The following NTM variants were observed in gnomAD, a reference collection of about 807,000 sequenced individuals.
NTM encodes the protein neurotrimin, also known as IgLON family member 2.
A neutral mutation model predicts 42.1 loss-of-function variants in NTM; 13 were observed. The observed-to-expected ratio is 0.31, with a 90% CI of 0.20 to 0.49. The LOEUF (loss-of-function observed/expected upper bound fraction) is 0.49. NTM is among the 20% of genes least tolerant of loss of function. NTM has a pLI of 0.99. For synonymous variants in NTM, 187 were observed against 179.2 expected, an observed-to-expected ratio of 1.04 and a Z score of -0.35; for missense variants, 373 against 452.8, an observed-to-expected ratio of 0.82 and a Z score of 1.60.
chr11:132,085,244 A>G (rs2059559760), intron 2 of NTM, among the ~76,000 whole-genome samples: 1 of 152,220 alleles, frequency 6.6e-6, no homozygotes, highest in Non-Finnish European at 1.5e-5. Context: ...ATGTAAATGT[A>G]TTTTCAGTGG....
At chr11:132,099,545 A>G (rs2061396217) in intron 2 of NTM, among the ~76,000 whole-genome samples, 2 of 152,214 alleles carry the variant, frequency 1.3e-5, no homozygotes, top group Non-Finnish European at 2.9e-5. Context: ...ACTGAGGGAC[A>G]AAGAGGTGAA....
At chr11:132,009,327 GCT>G (rs2071552352) in intron 2 of NTM, among the ~76,000 whole-genome samples, 1 of 152,152 alleles carries the variant, frequency 6.6e-6, no homozygotes, top group Non-Finnish European at 1.5e-5. Context: ...CTGTCTTTAA[GCT>G]GGGGGACAGT....
chr11:131,567,018 G>C (rs913820651), intron 1 of NTM, among the ~76,000 whole-genome samples: 99 of 152,188 alleles, frequency 6.5e-4, no homozygotes, highest in African/African-American at 2.2e-3. Context: ...CCCTCAAGGT[G>C]GTCAGAGCTA....
At chr11:132,084,780 T>C (rs1373572168) in intron 2 of NTM, among the ~76,000 whole-genome samples, 1 of 152,174 alleles carries the variant, frequency 6.6e-6, no homozygotes, top group Admixed American at 6.5e-5. Context: ...CAAACAAAAA[T>C]ATTTCATTAT....
chr11:131,778,086 T>C (rs1223212713), intron 1 of NTM, among the ~76,000 whole-genome samples: 1 of 152,216 alleles, frequency 6.6e-6, no homozygotes, highest in African/African-American at 2.4e-5. Flanking sequence ...CTCAGAAGTT[T>C]AACCCCACTC....
intron 4 of NTM, among the ~76,000 whole-genome samples, chr11:132,269,659 G>T (rs576973885): frequency 2.4e-4 from 36 of 152,310 alleles, no homozygotes; most frequent in African/African-American, 8.2e-4. Flanking sequence ...TCAATTCAGT[G>T]TTCTCTTCAT....
chr11:132,072,818 T>C (rs2057873691), intron 2 of NTM, among the ~76,000 whole-genome samples: 1 of 152,144 alleles, frequency 6.6e-6, no homozygotes, highest in South Asian at 2.1e-4. Flanking sequence ...TTGTGATTCC[T>C]CCTCACTGTG....
In NTM at chr11:132,005,905, C is replaced by A. The variant is rs1011895343; in HGVS notation, c.167+94257C>A. Among the ~76,000 whole-genome samples, 4 of 152,146 alleles carry A rather than the reference C, an allele frequency of 2.6e-5. No homozygotes were observed. In the South Asian group the frequency reaches 8.3e-4, roughly 32 times the overall value. On this transcript the variant is annotated intron_variant, in intron 2 of 8. Transcript: ENST00000683400. ...TCTTTTTTGTTAGAAAATTTTAAAA[C>A]AACAATAACCTAGGTTTTGAAGAAA...
intron 1 of NTM, among the ~76,000 whole-genome samples, chr11:131,680,447 CT>C (rs2072311394): frequency 1.3e-5 from 1 of 78,416 alleles, no homozygotes; most frequent in Non-Finnish European, 2.8e-5. Flanking sequence ...GAGATCATAT[CT>C]GTGTCTGTGT....
intron 1 of NTM, among the ~76,000 whole-genome samples, chr11:131,816,731 G>A (rs2092967409): frequency 6.6e-6 from 1 of 152,026 alleles, no homozygotes; most frequent in Non-Finnish European, 1.5e-5. Context: ...TGTTCTGTAG[G>A]TATCTTTCCT....
intron 1 of NTM, among the ~76,000 whole-genome samples, chr11:131,818,059 A>G (rs527669870): frequency 6.6e-6 from 1 of 152,322 alleles, no homozygotes; most frequent in African/African-American, 2.4e-5. Context: ...GACACACATC[A>G]GCGGCTTTTG....
chr11:132,300,500 G>A (rs577017042), intron 4 of NTM, among the ~76,000 whole-genome samples: 1 of 152,372 alleles, frequency 6.6e-6, no homozygotes, highest in South Asian at 2.1e-4. Flanking sequence ...GCCGGGGGAA[G>A]TGGTGCTTAC....
chr11:132,046,301 A>G (rs2077976530), intron 2 of NTM, among the ~76,000 whole-genome samples: 1 of 151,790 alleles, frequency 6.6e-6, no homozygotes, highest in Admixed American at 6.6e-5. Context: ...ACCATATTGT[A>G]TTTATTTTTT....
At chr11:132,183,193 A>G (rs1474673986) in intron 3 of NTM, among the ~76,000 whole-genome samples, 1 of 152,194 alleles carries the variant, frequency 6.6e-6, no homozygotes, top group African/African-American at 2.4e-5. Context: ...GGGAATGGTT[A>G]TTCTATGACT....
At chr11:131,431,777 C>G (rs761752912) in intron 1 of NTM, among the ~76,000 whole-genome samples, 2 of 152,136 alleles carry the variant, frequency 1.3e-5, no homozygotes, top group Admixed American at 6.5e-5. Context: ...TGGAGCCAAG[C>G]GTGCATCTCC....
intron 1 of NTM, among the ~76,000 whole-genome samples, chr11:131,434,541 A>G (rs187091817): frequency 6.6e-6 from 1 of 152,338 alleles, no homozygotes; most frequent in Admixed American, 6.5e-5. Context: ...ATGACCAGTG[A>G]TGATGAGTGT....
At chr11:132,234,214 G>GT (rs2088261658) in intron 4 of NTM, among the ~76,000 whole-genome samples, 1 of 152,182 alleles carries the variant, frequency 6.6e-6, no homozygotes, top group African/African-American at 2.4e-5. Context: ...GGGGAAGTTT[G>GT]TTTTTGGATA....
chr11:131,581,178 C>T (rs527394754), intron 1 of NTM, among the ~76,000 whole-genome samples: 1 of 152,316 alleles, frequency 6.6e-6, no homozygotes, highest in Middle Eastern at 3.4e-3. Context: ...AGCTCTTTTC[C>T]CCTTGGTGGG....
intron 3 of NTM, among the ~76,000 whole-genome samples, chr11:132,148,931 G>A (rs116686282): frequency 0.013 from 2,005 of 152,088 alleles, 21 homozygotes; most frequent in African/African-American, 0.029. Context: ...GTGCCCTCTC[G>A]CATGACACAC....
Sources: allele counts gnomAD v4.1 joint callset (sites outside exome capture counted in the v4.1 genomes callset), GRCh38; gene constraint gnomAD v4.1.1; transcripts MANE v1.5; gene names NCBI Gene and HGNC (gene_info 2026-07-23, HGNC 2026-07-21).